The following AHNAK variants were observed in gnomAD, a reference collection of about 807,000 sequenced individuals.
The protein encoded by AHNAK is AHNAK nucleoprotein.
A neutral mutation model predicts 37.8 loss-of-function variants in AHNAK; 23 were observed. That is an observed-to-expected ratio of 0.61 (90% CI 0.44 to 0.86). AHNAK has a LOEUF of 0.86. Among genes scored for constraint, AHNAK ranks in the 40% least tolerant of loss-of-function variants. The pLI is 0.00. For missense variants in AHNAK, 7,411 were observed against 7,319.4 expected, an observed-to-expected ratio of 1.01 and a Z score of -0.46; for synonymous variants, 2,481 against 2,636.3, an observed-to-expected ratio of 0.94 and a Z score of 1.80.
At chr11:62,484,253 A>T (rs1939343305) in intron 5 of AHNAK, among the ~76,000 whole-genome samples, 1 of 150,744 alleles carries the variant, frequency 6.6e-6, no homozygotes, top group South Asian at 2.1e-4. Context: ...ATGGTAGCAC[A>T]CACCGGTAGG....
Position 62,517,662 on chromosome 11 carries a change from T to G in AHNAK, c.16755A>C (p.Glu5585Asp). The G allele has an allele frequency of 1.2e-6, 2 of 1,614,174 alleles. No homozygotes were observed. Among genetic ancestry groups the G allele is most frequent in the Non-Finnish European group, 1.7e-6 (2 of 1,180,018 alleles). ...CGGAACCTTTAACACTCAAATGCCC[T>G]TCACCAAGGCTGATGTCTGGGGCAC... ...GVSAPDISLGEGHLSVKGSGG... is the reference protein window; with the variant it reads ...GVSAPDISLGDGHLSVKGSGG... Residue 5585 changes from glutamate (E) to aspartate (D), a missense_variant, in exon 5 of 5, where the codon GAA (glutamate) becomes GAC (aspartate). Glu to Asp is a conservative substitution (Grantham distance 45). Coordinates refer to ENST00000378024, the MANE Select transcript of AHNAK (RefSeq NM_001620.3).
chr11:62,531,544 GGA>G lies in AHNAK; in HGVS notation c.2871_2872del (p.Pro958Ter). The G allele has an allele frequency of 6.2e-7, 1 of 1,614,068 alleles. No homozygotes were observed. The highest frequency in any genetic ancestry group is 8.5e-7 in the Non-Finnish European group (1 of 1,180,024). ...CATATCATATTCTCCCTTTACTTTA[GGA>G]CCTTTCATATGCAAGTCCACATCAG... On this transcript the variant is annotated frameshift_variant, in exon 5 of 5. Coordinates refer to ENST00000378024, the MANE Select transcript of AHNAK (RefSeq NM_001620.3). LOFTEE classifies it low-confidence loss of function (END_TRUNC).
At position 62,530,573 on chromosome 11, in the gene AHNAK, C is replaced by A. The variant is rs1940699816; in HGVS notation, c.3844G>T (p.Asp1282Tyr). ...ACCTTGGGTCCTGAGACATCAATGT[C>A]AGCCTTGGGCAGGTTCACATCCACT... is the stretch of plus-strand genomic sequence containing the variant. Reference protein sequence around the residue: ...REVDVNLPKADIDVSGPKVDV... With the variant: ...REVDVNLPKAYIDVSGPKVDV... Residue 1282 changes from aspartate to tyrosine, a missense_variant, in exon 5 of 5, where the codon GAC becomes TAC. By Grantham distance (160) the Asp-to-Tyr change is radical. Coordinates refer to ENST00000378024, the MANE Select transcript of AHNAK (RefSeq NM_001620.3). 6.2e-7 allele frequency: 1 copy of A among 1,612,592 alleles called. No individual in the cohort carries two copies. Among genetic ancestry groups the A allele is most frequent in the Admixed American group, 1.7e-5 (1 of 59,782 alleles).
intron 5 of AHNAK, among the ~76,000 whole-genome samples, chr11:62,490,771 T>C (rs1305859061): frequency 6.6e-6 from 1 of 151,930 alleles, no homozygotes. Context: ...ATACATTCCA[T>C]ATTTTTGTTT....
chr11:62,520,376 T>A lies in AHNAK; in HGVS notation c.14041A>T (p.Ile4681Phe), dbSNP rs940042496. ...DVDVNLPKAD[I>F]DVSGPKVDVD... ...TCCACTTTGGGTCCTGAGACATCAA[T>A]GTCAGCCTTGGGCAGGTTCACATCC... The change falls in exon 5 of 5, where the codon ATT (isoleucine) becomes TTT (phenylalanine). Residue 4681 changes from isoleucine (I) to phenylalanine (F), a missense_variant. Physicochemically the swap from Ile to Phe is conservative, Grantham distance 21. Transcript: ENST00000378024. The A allele has an allele frequency of 1.9e-6, 3 of 1,613,108 alleles. No individual in the cohort carries two copies. The highest frequency in any genetic ancestry group is 1.1e-5 in the South Asian group (1 of 91,016).
intron 1 of AHNAK, among the ~76,000 whole-genome samples, chr11:62,541,426 G>A (rs1176322878): frequency 6.6e-6 from 1 of 152,170 alleles, no homozygotes; most frequent in East Asian, 1.9e-4. Flanking sequence ...GGAACAAAAT[G>A]ACTCATGCCC....
In AHNAK at chr11:62,532,113, T is replaced by C; in HGVS notation, c.2304A>G (p.Glu768=). Residue 768 remains glutamate (E), a synonymous_variant, in exon 5 of 5, where the codon GAA becomes GAG. Transcript: ENST00000378024. ...SVPGFKAEGP[E]VDVNLPKADV... is the part of the protein sequence containing the mutation. ...CAGCCTTGGGCAGGTTCACATCCAC[T>C]TCTGGGCCCTCTGCTTTGAACCCTG... 6.2e-7 allele frequency: 1 copy of C among 1,613,658 alleles called. No individual in the cohort carries two copies. Among genetic ancestry groups the C allele is most frequent in the Non-Finnish European group, 8.5e-7 (1 of 1,179,910 alleles).
rs1421747419 is a variant in AHNAK at position 62,526,549 on chromosome 11, T to C, written c.7868A>G (p.Asn2623Ser). ...GCCTTGAACACCCACATCTGGGGCA[T>C]TAATATCCACTTTGGGCCCCTTGAT... ...VDIKGPKVDI[N>S]APDVGVQGPD... Residue 2623 changes from asparagine to serine, a missense_variant, in exon 5 of 5, where the codon AAT becomes AGT. Coordinates refer to ENST00000378024, the MANE Select transcript of AHNAK (RefSeq NM_001620.3). 1 of 1,612,490 alleles carries C rather than the reference T, an allele frequency of 6.2e-7. No individual in the cohort carries two copies.
rs371160644 is a variant in AHNAK at position 62,476,631 on chromosome 11, AAAAC to A, written c.442+15097_442+15100del. 2.4e-3 allele frequency among the ~76,000 whole-genome samples: 359 copies of A among 152,198 alleles called. 1 individual carries two copies. The highest frequency in any genetic ancestry group is 8.2e-3 in the African/African-American group (340 of 41,436). On this transcript the variant is annotated intron_variant, in intron 5 of 5. Coordinates refer to the AHNAK transcript ENST00000257247. ...TCATGAGCTGAGCAAAAATTAAAAC[AAAAC>A]AAACAAAAAAAAACATCATTTTGAA...
chr11:62,516,048 G>A lies in AHNAK; in HGVS notation c.*696C>T, dbSNP rs930398649. On this transcript the variant is annotated 3_prime_UTR_variant, in exon 5 of 5. Coordinates refer to ENST00000378024, the MANE Select transcript of AHNAK (RefSeq NM_001620.3). Reference sequence around the variant, plus strand: ...CAGAACTAATATCAGGAACATGGCGGCATGAAGGAAACAGTTCCCTTACAA... The same window carrying A: ...CAGAACTAATATCAGGAACATGGCGACATGAAGGAAACAGTTCCCTTACAA... 1.5e-4 allele frequency: 183 copies of A among 1,190,374 alleles called. No homozygotes were observed. The highest frequency in any genetic ancestry group is 1.9e-4 in the Non-Finnish European group (181 of 941,144). 73.7% of individuals were successfully genotyped at this position (1,190,374 alleles called of 1,614,324 possible). A position where few individuals can be genotyped will look rare whatever the true frequency, so the allele number is the denominator to read the frequency against.
At position 62,527,155 on chromosome 11, in the gene AHNAK, T is replaced by A. The variant is rs1940523373; in HGVS notation, c.7262A>T (p.Asp2421Val). 6 of 1,612,846 alleles carry A rather than the reference T, an allele frequency of 3.7e-6. No homozygotes were observed. The highest frequency in any genetic ancestry group is 1.1e-5 in the South Asian group (1 of 90,806). Residue 2421 changes from aspartate (D) to valine (V), a missense_variant, in exon 5 of 5, where the codon GAT (aspartate) becomes GTT (valine). Asp to Val is a radical substitution (Grantham distance 152). Coordinates refer to ENST00000378024, the MANE Select transcript of AHNAK (RefSeq NM_001620.3). ...LEGDLKGPHV[D>V]VSGPDIDIEG... is the part of the protein sequence containing the mutation. ...AATGTCAATGTCTGGCCCACTGACA[T>A]CCACATGTGGCCCTTTAAGGTCCCC...
Position 62,533,831 on chromosome 11 carries a change from C to A in AHNAK, c.586G>T (p.Asp196Tyr). ...GTCTTCCCAGACTGGGTCTCCACAT[C>A]CACATTGGAGATTTCAGTCAGTTCA... is the stretch of plus-strand genomic sequence containing the variant. The part of the protein sequence containing the change: ...RHELTEISNV[D>Y]VETQSGKTVI... Residue 196 changes from aspartate (D) to tyrosine (Y), a missense_variant, in exon 5 of 5, where the codon GAT becomes TAT. Physicochemically the swap from Asp to Tyr is radical, Grantham distance 160. Coordinates refer to ENST00000378024, the MANE Select transcript of AHNAK (RefSeq NM_001620.3). 1.2e-6 allele frequency: 2 copies of A among 1,614,156 alleles called. No individual in the cohort carries two copies. The highest frequency in any genetic ancestry group is 1.7e-6 in the Non-Finnish European group (2 of 1,180,022).
intron 5 of AHNAK, among the ~76,000 whole-genome samples, chr11:62,454,412 CAAAAA>C (rs5792260): frequency 2.4e-5 from 3 of 126,134 alleles, no homozygotes; most frequent in African/African-American, 8.4e-5. Flanking sequence ...GACTCCATCT[CAAAAA>C]AAAAAAAAAA....
intron 5 of AHNAK, among the ~76,000 whole-genome samples, chr11:62,488,663 C>T (rs1017271078): frequency 2.6e-5 from 4 of 151,414 alleles, no homozygotes; most frequent in Admixed American, 6.6e-5. Flanking sequence ...CCACCCACCT[C>T]GGCCTCCCAA....
In AHNAK at chr11:62,532,421, C is replaced by T; in HGVS notation, c.1996G>A (p.Val666Met). 6.2e-7 allele frequency: 1 copy of T among 1,614,204 alleles called. No individual in the cohort carries two copies. The highest frequency in any genetic ancestry group is 8.5e-7 in the Non-Finnish European group (1 of 1,180,048). ...DISISGPKVN[V>M]EAPDVNLEGL... ...TCCAAGTTGACATCTGGGGCTTCCA[C>T]ATTGACCTTGGGCCCTGAAATACTG... The change falls in exon 5 of 5, where the codon GTG (valine) becomes ATG (methionine). Residue 666 changes from valine to methionine, a missense_variant. Coordinates refer to ENST00000378024, the MANE Select transcript of AHNAK (RefSeq NM_001620.3).
chr11:62,445,742 C>T (rs539145119), intron 5 of AHNAK, among the ~76,000 whole-genome samples: 15 of 148,540 alleles, frequency 1.0e-4, no homozygotes, highest in Non-Finnish European at 1.8e-4. Context: ...ACAGTCCGGG[C>T]GCAGTGGTTC....
exon 6 of AHNAK, chr11:62,433,854 AAG>A (rs748256412): frequency 4.5e-5 from 72 of 1,613,888 alleles, no homozygotes; most frequent in Admixed American, 1.0e-4. Flanking sequence ...AAACAACCTT[AAG>A]AGGGGGTGGT....
At position 62,518,544 on chromosome 11, in the gene AHNAK, G is replaced by T. The variant is rs142925789; in HGVS notation, c.15873C>A (p.Asn5291Lys). ...KGPGVDLPSV[N>K]LSMPKVSGPD... ...GCCCAGAGACTTTTGGCATAGAGAG[G>T]TTCACTGAAGGCAAGTCTACTCCTG... The change falls in exon 5 of 5, where the codon AAC (asparagine) becomes AAA (lysine). Residue 5291 changes from asparagine to lysine, a missense_variant. By Grantham distance (94) the Asn-to-Lys change is moderately conservative. Transcript: ENST00000378024. The T allele has an allele frequency of 6.8e-6, 11 of 1,613,936 alleles. No individual in the cohort carries two copies. The African/African-American group carries it at 1.1e-4, about 16-fold the overall frequency.
downstream of AHNAK, among the ~76,000 whole-genome samples, chr11:62,513,878 C>T (rs1338606068): frequency 6.6e-6 from 1 of 152,178 alleles, no homozygotes; most frequent in Non-Finnish European, 1.5e-5. Context: ...GCCTCGCCAT[C>T]CCTGGTACAT....
Sources: allele counts gnomAD v4.1 joint callset (sites outside exome capture counted in the v4.1 genomes callset), GRCh38; gene constraint gnomAD v4.1.1; transcripts MANE v1.5; gene names NCBI Gene and HGNC (gene_info 2026-07-23, HGNC 2026-07-21).